Variants in SPOCK3 observed in about 807,000 individuals in gnomAD.
SPOCK3 encodes the protein testican-3.
Under a neutral mutation model 56.6 loss-of-function variants are expected in SPOCK3, and 30 were observed. The ratio of observed to expected loss-of-function variants is 0.53; its 90% CI spans 0.40 to 0.72. SPOCK3 has a LOEUF of 0.72. Among genes scored for constraint, SPOCK3 ranks in the 30% least tolerant of loss-of-function variants. The probability of loss-of-function intolerance (pLI) is 0.00; values close to 1 mark genes in which losing one functional copy is unlikely to be tolerated. For synonymous variants in SPOCK3, 196 were observed against 183.3 expected (o/e 1.07, Z -0.56); for missense variants, 527 against 530.0 (o/e 0.99, Z 0.06).
intron 6 of SPOCK3, among the ~76,000 whole-genome samples, chr4:166,864,915 C>T (rs1030412034): frequency 6.6e-6 from 1 of 152,032 alleles, no homozygotes; most frequent in Non-Finnish European, 1.5e-5. Context: ...AAGAGGGAGC[C>T]CTCCCTAACT....
At chr4:166,830,715 A>G (rs1034403622) in intron 6 of SPOCK3, among the ~76,000 whole-genome samples, 1 of 152,094 alleles carries the variant, frequency 6.6e-6, no homozygotes, top group Non-Finnish European at 1.5e-5. Flanking sequence ...GCCTGGGCAC[A>G]GAGTAAGACT....
chr4:167,177,143 G>C (rs143285291), intron 2 of SPOCK3, among the ~76,000 whole-genome samples: 1 of 152,174 alleles, frequency 6.6e-6, no homozygotes, highest in East Asian at 1.9e-4. Flanking sequence ...GGCTCTTCCT[G>C]ACATGAGCAG....
At chr4:166,881,643 C>T (rs1459741089) in intron 6 of SPOCK3, among the ~76,000 whole-genome samples, 1 of 152,000 alleles carries the variant, frequency 6.6e-6, no homozygotes, top group Non-Finnish European at 1.5e-5. Flanking sequence ...TAAATACTGC[C>T]TTAACTTTGC....
chr4:167,203,018 CAATT>C (rs67571213), intron 2 of SPOCK3, among the ~76,000 whole-genome samples: 6,123 of 151,754 alleles, frequency 0.04, 166 homozygotes, highest in Middle Eastern at 0.075. Context: ...GATGCATACA[CAATT>C]AAAACCTGAT....
intron 2 of SPOCK3, among the ~76,000 whole-genome samples, chr4:167,186,850 G>A (rs1251716588): frequency 6.6e-6 from 1 of 151,260 alleles, no homozygotes; most frequent in Non-Finnish European, 1.5e-5. Context: ...GGTGGCACAT[G>A]CCTGCAGTCC....
At chr4:167,171,886 A>G (rs1043695107) in intron 2 of SPOCK3, among the ~76,000 whole-genome samples, 5 of 152,120 alleles carry the variant, frequency 3.3e-5, no homozygotes, top group African/African-American at 1.2e-4. Flanking sequence ...AAAGAAAAGA[A>G]AAAGAAGAAG....
At chr4:166,755,357 G>A (rs1405034258) in intron 7 of SPOCK3, among the ~76,000 whole-genome samples, 5 of 152,048 alleles carry the variant, frequency 3.3e-5, no homozygotes, top group Non-Finnish European at 2.9e-5. Context: ...ATGGTGCACT[G>A]GATAGAGCAG....
intron 2 of SPOCK3, among the ~76,000 whole-genome samples, chr4:167,199,698 A>G (rs1274339086): frequency 9.1e-5 from 3 of 32,986 alleles, no homozygotes; most frequent in African/African-American, 7.9e-4. Flanking sequence ...TGAAATAAAT[A>G]ATAATAATAA....
chr4:166,792,929 CTT>C (rs1199136877), intron 6 of SPOCK3, among the ~76,000 whole-genome samples: 2 of 152,064 alleles, frequency 1.3e-5, no homozygotes, highest in African/African-American at 2.4e-5. Context: ...GTAACTTCCT[CTT>C]TGTTTTTTAA....
At position 166,741,475 on chromosome 4, in the gene SPOCK3, A is replaced by T. The variant is rs190143963; in HGVS notation, c.994+522T>A. ...AGTTTAATAATCTGTTTATATCCAA[A>T]CATTCAAATATTTCAAGGCTTTGAA... On this transcript the variant is annotated intron_variant, in intron 9 of 10. Coordinates refer to ENST00000357545, the MANE Select transcript of SPOCK3 (RefSeq NM_001040159.2). Among the ~76,000 whole-genome samples, 12 of 152,294 alleles carry T rather than the reference A, an allele frequency of 7.9e-5. No homozygotes were observed. In the East Asian group the frequency reaches 2.3e-3, roughly 29 times the overall value.
chr4:167,155,508 GAAAGA>G (rs1463330581), intron 2 of SPOCK3, among the ~76,000 whole-genome samples: 1 of 152,098 alleles, frequency 6.6e-6, no homozygotes, highest in Non-Finnish European at 1.5e-5. Flanking sequence ...ATATATGAAA[GAAAGA>G]AAACAACACA....
intron 4 of SPOCK3, among the ~76,000 whole-genome samples, chr4:166,946,149 A>G (rs1481046525): frequency 6.6e-6 from 1 of 152,054 alleles, no homozygotes; most frequent in African/African-American, 2.4e-5. Flanking sequence ...TGCTCATAAA[A>G]ATGTCCCAGT....
intron 8 of SPOCK3, among the ~76,000 whole-genome samples, chr4:166,750,570 G>C (rs1736244447): frequency 6.6e-6 from 1 of 151,416 alleles, no homozygotes; most frequent in African/African-American, 2.4e-5. Context: ...AAAAATAGAA[G>C]TTAAATTTCC....
At chr4:166,755,118 A>G (rs1180666890) in intron 7 of SPOCK3, among the ~76,000 whole-genome samples, 2 of 152,144 alleles carry the variant, frequency 1.3e-5, no homozygotes, top group African/African-American at 2.4e-5. Flanking sequence ...AATAAAATTT[A>G]TATTTATTCA....
chr4:166,779,872 C>T (rs897586103), intron 7 of SPOCK3, among the ~76,000 whole-genome samples: 1 of 152,098 alleles, frequency 6.6e-6, no homozygotes, highest in Non-Finnish European at 1.5e-5. Flanking sequence ...GAATATGACA[C>T]ATAGAGGTAA....
At chr4:167,192,334 T>C (rs1161697333) in intron 2 of SPOCK3, among the ~76,000 whole-genome samples, 1 of 145,870 alleles carries the variant, frequency 6.9e-6, no homozygotes, top group Non-Finnish European at 1.5e-5. Flanking sequence ...CCAAACTTTT[T>C]TTGGCAGAGT....
At chr4:166,945,483 C>G (rs1741614892) in intron 4 of SPOCK3, among the ~76,000 whole-genome samples, 1 of 152,102 alleles carries the variant, frequency 6.6e-6, no homozygotes, top group African/African-American at 2.4e-5. Context: ...ATCTGTTAGA[C>G]AGATTCCCTT....
At position 166,774,442 on chromosome 4, in the gene SPOCK3, T is replaced by C. The variant is rs138715214; in HGVS notation, c.709+17728A>G. 1.2e-4 allele frequency among the ~76,000 whole-genome samples: 19 copies of C among 152,292 alleles called. No individual in the cohort carries two copies. The East Asian group carries it at 3.7e-3, about 29-fold the overall frequency. ...TATGTCTTGTCATATGTGATATTTT[T>C]CTCTGGCTACCACCTCTTTGTCCCT... is the stretch of plus-strand genomic sequence containing the variant. On this transcript the variant is annotated intron_variant, in intron 7 of 10. Coordinates refer to ENST00000357545, the MANE Select transcript of SPOCK3 (RefSeq NM_001040159.2).
At chr4:167,061,631 C>A (rs1014585707) in intron 3 of SPOCK3, among the ~76,000 whole-genome samples, 3 of 151,826 alleles carry the variant, frequency 2.0e-5, no homozygotes, top group African/African-American at 7.2e-5. Flanking sequence ...ACTCTGAGCT[C>A]CTTTAAATAA....
Sources: gnomAD v4.1 joint callset for allele counts (sites outside exome capture counted in the v4.1 genomes callset) on GRCh38, gnomAD v4.1.1 for gene constraint, MANE v1.5 for transcripts, NCBI Gene and HGNC (gene_info 2026-07-23, HGNC 2026-07-21) for gene names.